Variants in RAD54L observed in about 807,000 individuals in gnomAD.
The protein encoded by RAD54L is RAD54 like.
In RAD54L, 74 loss-of-function variants were observed where a neutral mutation model predicts 91.6. That is an observed-to-expected ratio of 0.81 (90% CI 0.67 to 0.98). The LOEUF is 0.98. Ranked by LOEUF, RAD54L falls within the 50% of genes least tolerant of loss-of-function variation. RAD54L has a pLI of 0.00. For synonymous variants in RAD54L, 304 were observed against 349.7 expected (o/e 0.87, Z 1.46); for missense variants, 887 against 945.7 (o/e 0.94, Z 0.81).
At chr1:46,270,635 GT>G (rs1660395299) in intron 9 of RAD54L, 23 bp from the exon 10 acceptor site, 2 of 1,613,698 alleles carry the variant, frequency 1.2e-6, no homozygotes, top group South Asian at 1.1e-5. Flanking sequence ...ACATTCTTCT[GT>G]TTTCCTTCTC....
At chr1:46,255,954 G>T (rs1483573354) in intron 3 of RAD54L, among the ~76,000 whole-genome samples, 1 of 152,106 alleles carries the variant, frequency 6.6e-6, no homozygotes, top group East Asian at 1.9e-4. Context: ...TAAATTCTTG[G>T]CTACTCAGAG....
At chr1:46,278,044 T>C in intron 17 of RAD54L, 28 bp from the exon 18 acceptor site, 2 of 1,614,136 alleles carry the variant, frequency 1.2e-6, no homozygotes, top group South Asian at 1.1e-5. Context: ...GGATCTGTAG[T>C]GACTTCAGCT....
chr1:46,264,648 C>T (rs188987634), intron 8 of RAD54L, among the ~76,000 whole-genome samples: 17 of 152,368 alleles, frequency 1.1e-4, no homozygotes, highest in Non-Finnish European at 1.8e-4. Flanking sequence ...GAGGGATTGA[C>T]GTCATCGTCA....
chr1:46,261,178 T>TA (rs1224240154), intron 7 of RAD54L, 83 bp from the exon 8 acceptor site: 64 of 1,585,242 alleles, frequency 4.0e-5, no homozygotes, highest in Non-Finnish European at 5.5e-5. Context: ...CAGGCTAAAT[T>TA]AAAGAACTGT....
intron 12 of RAD54L, among the ~76,000 whole-genome samples, 176 bp from the exon 13 acceptor site, chr1:46,273,179 T>C (rs1660485493): frequency 6.6e-6 from 1 of 152,176 alleles, no homozygotes; most frequent in African/African-American, 2.4e-5. Flanking sequence ...AGATTGTCCA[T>C]CCATCGTCCC....
At position 46,263,119 on chromosome 1, in the gene RAD54L, A is replaced by T. The variant is rs1001098238; in HGVS notation, c.891+1734A>T. Among the ~76,000 whole-genome samples the T allele has an allele frequency of 6.6e-6, 1 of 152,196 alleles. No individual in the cohort carries two copies. Among genetic ancestry groups the T allele is most frequent in the Admixed American group, 6.5e-5 (1 of 15,286 alleles). Reference sequence around the variant, plus strand: ...GGGGTACTTGCAAGAACAAAAGCAGAGATAAGAAAGTCCATACACCTTGTA... The same window carrying T: ...GGGGTACTTGCAAGAACAAAAGCAGTGATAAGAAAGTCCATACACCTTGTA... On this transcript the variant is annotated intron_variant, in intron 8 of 17. Transcript: ENST00000371975. The surrounding 1 kb of genome is among the most constrained non-coding windows in gnomAD (Gnocchi z 4.3).
In RAD54L at chr1:46,261,112, G is replaced by C. The variant is rs537399840; in HGVS notation, c.766+97G>C. On this transcript the variant is annotated intron_variant, in intron 7 of 17. Transcript: ENST00000371975. ...ATGGCCAGGGTGGAGGGCAATGCAGGGGTAGAAGAAAAGAGAATTTCCATT... is the reference window on the plus strand; with the variant it reads ...ATGGCCAGGGTGGAGGGCAATGCAGCGGTAGAAGAAAAGAGAATTTCCATT... 60 of 1,544,684 alleles carry C rather than the reference G, an allele frequency of 3.9e-5. No homozygotes were observed. In the African/African-American group the frequency reaches 7.1e-4, roughly 18 times the overall value.
rs1660119338 is a variant in RAD54L, at chr1:46,261,365, G to T, written c.871G>T (p.Gly291Cys). ...HVGVLQKGSV[G>C]LVICDEGHRL... is the part of the protein sequence containing the mutation. ...TGGAGTCCTCCAGAAAGGAAGTGTT[G>T]GTCTGGTCATATGTGACGAGGTACT... The change falls in exon 8 of 18, where the codon GGT becomes TGT. Residue 291 changes from glycine to cysteine, a missense_variant. Gly to Cys is a radical substitution (Grantham distance 159, BLOSUM62 -3). Coordinates refer to ENST00000371975, the MANE Select transcript of RAD54L (RefSeq NM_003579.4). The T allele has an allele frequency of 1.2e-6, 2 of 1,613,960 alleles. No individual in the cohort carries two copies. Among genetic ancestry groups the T allele is most frequent in the East Asian group, 4.5e-5 (2 of 44,878 alleles).
rs567415626 is a variant in RAD54L, at chr1:46,263,513, C to A, written c.891+2128C>A. 9.3e-4 allele frequency among the ~76,000 whole-genome samples: 141 copies of A among 152,240 alleles called. No individual in the cohort carries two copies. The highest frequency in any genetic ancestry group is 1.6e-3 in the Non-Finnish European group (108 of 68,012). On this transcript the variant is annotated intron_variant, in intron 8 of 17. Transcript: ENST00000371975. The surrounding 1 kb of genome is among the most constrained non-coding windows in gnomAD (Gnocchi z 4.3). ...TGTCTGAGGAACTTCAGAGAGGGGA[C>A]AGAGGGAAAAAGCTTGCTTTTGGGT...
chr1:46,264,649 G>A (rs28363225), intron 8 of RAD54L, among the ~76,000 whole-genome samples: 8 of 152,242 alleles, frequency 5.3e-5, no homozygotes, highest in Non-Finnish European at 8.8e-5. Context: ...AGGGATTGAC[G>A]TCATCGTCAT....
At chr1:46,266,607 A>G (rs1424430228) in intron 8 of RAD54L, among the ~76,000 whole-genome samples, 1 of 152,174 alleles carries the variant, frequency 6.6e-6, no homozygotes, top group Non-Finnish European at 1.5e-5. Flanking sequence ...ATGTGAAGGG[A>G]AGCAGAGGGA....
At chr1:46,273,011 T>A (rs575783657) in intron 12 of RAD54L, among the ~76,000 whole-genome samples, 10 of 152,322 alleles carry the variant, frequency 6.6e-5, no homozygotes, top group African/African-American at 1.7e-4. Flanking sequence ...TCATCTTCTG[T>A]CCAGCCCATG....
intron 9 of RAD54L, among the ~76,000 whole-genome samples, chr1:46,269,577 C>A (rs1049315442): frequency 5.3e-5 from 8 of 151,972 alleles, no homozygotes; most frequent in Non-Finnish European, 1.0e-4. Flanking sequence ...TATTCTTACT[C>A]CTTAACATTG....
chr1:46,273,703 C>T lies in RAD54L; in HGVS notation c.1566C>T (p.Tyr522=), dbSNP rs770287968. ...SSDKVVLVSN[Y]TQTLDLFEKL... ...ACAAAGTAGTGCTGGTGTCGAATTA[C>T]ACCCAGACTTTGGATCTCTTTGAGA... Residue 522 remains tyrosine (Y), a synonymous_variant, in exon 14 of 18, where the codon TAC becomes TAT. Transcript: ENST00000371975. The T allele has an allele frequency of 1.7e-5, 28 of 1,613,378 alleles. No homozygotes were observed. In the South Asian group the frequency reaches 2.0e-4, roughly 11 times the overall value.
chr1:46,269,649 T>C (rs565999918), intron 9 of RAD54L, among the ~76,000 whole-genome samples: 1 of 152,318 alleles, frequency 6.6e-6, no homozygotes, highest in South Asian at 2.1e-4. Context: ...TGTCAATTTA[T>C]ACACCTACTG....
At chr1:46,266,762 G>A (rs1414838914) in intron 8 of RAD54L, among the ~76,000 whole-genome samples, 5 of 152,202 alleles carry the variant, frequency 3.3e-5, no homozygotes, top group Admixed American at 1.3e-4. Flanking sequence ...GTAGGCTGAT[G>A]TGGAGGGGAG....
At chr1:46,268,450 T>C (rs1425364449) in intron 9 of RAD54L, among the ~76,000 whole-genome samples, 1 of 152,230 alleles carries the variant, frequency 6.6e-6, no homozygotes, top group Non-Finnish European at 1.5e-5. Flanking sequence ...GAGAACCTGC[T>C]GAGTGGCAAG....
rs141523334 is a variant in RAD54L, at chr1:46,277,848, G to A, written c.1901G>A (p.Arg634His). ...ACCATTGAGGAGAAGATCTTCCAGC[G>A]TCAGAGCCACAAGAAGGCACTGAGC... is the stretch of plus-strand genomic sequence containing the variant. ...AGTIEEKIFQ[R>H]QSHKKALSSC... Residue 634 changes from arginine (R) to histidine (H), a missense_variant, in exon 17 of 18, where the codon CGT becomes CAT. Transcript: ENST00000371975. 98 of 1,612,314 alleles carry A rather than the reference G, an allele frequency of 6.1e-5. No homozygotes were observed. The highest frequency in any genetic ancestry group is 1.7e-4 in the Middle Eastern group (1 of 6,026).
In RAD54L at chr1:46,278,238, G is replaced by A. The variant is rs754995325; in HGVS notation, c.2200G>A (p.Val734Ile). The A allele has an allele frequency of 1.8e-5, 29 of 1,613,836 alleles. No homozygotes were observed. In the East Asian group the frequency reaches 4.0e-4, roughly 22 times the overall value. ...WDAASTAITF[V>I]FHQRSHEEQR... ...TGCTGCCTCCACTGCCATCACCTTC[G>A]TCTTCCACCAGCGTTCTCATGAGGA... The change falls in exon 18 of 18, where the codon GTC becomes ATC. Residue 734 changes from valine (V) to isoleucine (I), a missense_variant. By Grantham distance (29) the Val-to-Ile change is conservative. Transcript: ENST00000371975.
Sources: gnomAD v4.1 joint callset for allele counts (sites outside exome capture counted in the v4.1 genomes callset) on GRCh38, gnomAD v4.1.1 for gene constraint, Gnocchi (gnomAD v3.1) non-coding constraint, MANE v1.5 for transcripts, NCBI Gene and HGNC (gene_info 2026-07-23, HGNC 2026-07-21) for gene names.